The following TAF7L variants were observed in gnomAD, a reference collection of about 807,000 sequenced individuals.
The protein encoded by TAF7L is transcription initiation factor TFIID subunit 7-like.
Under a neutral mutation model 30.2 loss-of-function variants are expected in TAF7L, and 6 were observed. The ratio of observed to expected loss-of-function variants is 0.20; its 90% confidence interval spans 0.11 to 0.39. TAF7L has a LOEUF of 0.39. Ranked by LOEUF, TAF7L falls within the 10% of genes least tolerant of loss-of-function variation. The pLI, the probability that TAF7L is intolerant of heterozygous loss-of-function variation, is 1.00. For synonymous variants in TAF7L, 93 were observed against 94.5 expected, an observed-to-expected ratio of 0.98 and a Z score of 0.09; for missense variants, 284 against 277.1, an observed-to-expected ratio of 1.03 and a Z score of -0.18.
chrX:101,271,381 T>G (rs1034474244), intron 12 of TAF7L, among the ~76,000 whole-genome samples: 3 of 112,151 alleles, frequency 2.7e-5, no homozygotes, highest in Non-Finnish European at 5.6e-5. Flanking sequence ...ACACCTAGGC[T>G]ACATAGTATA....
At chrX:101,287,629 C>T (rs1924650863) in intron 1 of TAF7L, 84 bp from the exon 2 acceptor site, 1 of 686,636 alleles carries the variant, frequency 1.5e-6, no homozygotes, top group Admixed American at 2.6e-5. Flanking sequence ...TCTGGTAGTA[C>T]TGGCTAAATT....
intron 12 of TAF7L, among the ~76,000 whole-genome samples, chrX:101,271,319 C>T (rs763045550): frequency 1.9e-4 from 21 of 111,576 alleles, no homozygotes; most frequent in African/African-American, 6.2e-4. Context: ...TTTGTCATGA[C>T]GCGAACATGA....
Position 101,269,220 on chromosome X carries a change from T to C in TAF7L, c.1104A>G (p.Glu368=), listed in dbSNP as rs1923891074. The change falls in exon 13 of 13, where the codon GAA becomes GAG. Residue 368 remains glutamate (E), a synonymous_variant. Coordinates refer to ENST00000356784, the MANE Select transcript of TAF7L (RefSeq NM_001168474.2). ...ACTTCTTCAGAAAACGCTGCAACTG[T>C]TCCTGTAGGGAAATGAGCTGTAGGG... ...QKNEKLISLQ[E]QLQRFLKK is the part of the protein sequence containing the mutation. The C allele has an allele frequency of 1.7e-6, 2 of 1,208,964 alleles. No individual in the cohort carries two copies. The highest frequency in any genetic ancestry group is 3.5e-5 in the African/African-American group (2 of 57,885).
chrX:101,292,238 C>CAAAAA (rs776702288), upstream of TAF7L, among the ~76,000 whole-genome samples: 1 of 45,299 alleles, frequency 2.2e-5, no homozygotes, highest in Non-Finnish European at 3.6e-5. Context: ...GACTCCGTCT[C>CAAAAA]AAAAAAAAAA....
chrX:101,282,537 A>G, intron 4 of TAF7L, 84 bp from the exon 5 acceptor site: 1 of 1,012,722 alleles, frequency 9.9e-7, no homozygotes, highest in Non-Finnish European at 1.4e-6. Flanking sequence ...CTAGAAATGC[A>G]CAGAAGAGAC....
rs1160195640 is a variant in TAF7L at position 101,269,155 on chromosome X, G to A, written c.*38C>T. 1.8e-5 allele frequency: 21 copies of A among 1,180,670 alleles called. No homozygotes were observed. The highest frequency in any genetic ancestry group is 2.3e-5 in the Non-Finnish European group (20 of 871,724). On this transcript the variant is annotated 3_prime_UTR_variant, in exon 13 of 13. Coordinates refer to ENST00000356784, the MANE Select transcript of TAF7L (RefSeq NM_001168474.2). Reference sequence around the variant, plus strand: ...TTTCATCCAATCTGCAGTCTGGATGGTGAATCCAAGGTTTGTGGGCCACGC... The same window carrying A: ...TTTCATCCAATCTGCAGTCTGGATGATGAATCCAAGGTTTGTGGGCCACGC...
Position 101,290,748 on chromosome X carries a change from G to A in TAF7L, c.-3+476C>T, listed in dbSNP as rs138649109. 9.8e-5 allele frequency among the ~76,000 whole-genome samples: 11 copies of A among 111,879 alleles called. No individual in the cohort carries two copies. In the East Asian group the frequency reaches 3.1e-3, roughly 31 times the overall value. ...CATTTACCTAAAAGACTAGTTGTACGGTATTCACTTTAAGAAAAAGCATCC... is the reference window on the plus strand; with the variant it reads ...CATTTACCTAAAAGACTAGTTGTACAGTATTCACTTTAAGAAAAAGCATCC... On this transcript the variant is annotated intron_variant, in intron 1 of 12. Coordinates refer to ENST00000356784, the MANE Select transcript of TAF7L (RefSeq NM_001168474.2).
rs965343589 is a variant in TAF7L, at chrX:101,269,197, T to C, written c.1127A>G (p.Lys376Arg). 20 of 1,208,083 alleles carry C rather than the reference T, an allele frequency of 1.7e-5. 1 individual carries two copies. The highest frequency in any genetic ancestry group is 3.4e-6 in the Non-Finnish European group (3 of 893,926). The change falls in exon 13 of 13, where the codon AAG becomes AGG. Residue 376 changes from lysine to arginine, a missense_variant. Lys to Arg is a conservative substitution (Grantham distance 26). Transcript: ENST00000356784. ...GGGCCACGCCAATGGCTCTCCTCAC[T>C]TCTTCAGAAAACGCTGCAACTGTTC... ...LQEQLQRFLK[K>R]
intron 2 of TAF7L, among the ~76,000 whole-genome samples, chrX:101,287,270 A>G (rs1185470828): frequency 2.7e-5 from 3 of 111,363 alleles, no homozygotes; most frequent in Non-Finnish European, 5.7e-5. Context: ...ATCAACCTGC[A>G]TGATAGGTGG....
chrX:101,279,968 C>CA (rs1169963740), intron 6 of TAF7L, among the ~76,000 whole-genome samples: 3 of 100,419 alleles, frequency 3.0e-5, no homozygotes, highest in Non-Finnish European at 6.2e-5. Context: ...ACAACAACAA[C>CA]AAAAAAAAAA....
At chrX:101,289,458 C>T (rs1431518807) in intron 1 of TAF7L, among the ~76,000 whole-genome samples, 1 of 111,793 alleles carries the variant, frequency 8.9e-6, no homozygotes, top group Non-Finnish European at 1.9e-5. Context: ...TTATTGTTTT[C>T]ATTATTTGTT....
upstream of TAF7L, chrX:101,291,398 C>T (rs1344785891): frequency 6.7e-6 from 3 of 445,747 alleles, no homozygotes; most frequent in Non-Finnish European, 8.4e-6. Context: ...CCTCGCCACG[C>T]CTCCGCGGCC....
intron 1 of TAF7L, among the ~76,000 whole-genome samples, chrX:101,288,837 A>T: frequency 9.0e-6 from 1 of 111,457 alleles, no homozygotes; most frequent in South Asian, 3.8e-4. Flanking sequence ...AAATGACTGA[A>T]TCAATCTAAT....
intron 6 of TAF7L, among the ~76,000 whole-genome samples, chrX:101,280,189 G>C (rs2147376091): frequency 9.0e-6 from 1 of 111,358 alleles, no homozygotes; most frequent in South Asian, 3.8e-4. Context: ...CTCTCTGAAA[G>C]ACCCTACGAA....
In TAF7L at chrX:101,276,011, G is replaced by C. The variant is rs192980404; in HGVS notation, c.1015C>G (p.Leu339Val). The part of the protein sequence containing the change: ...QKDLIMKVEN[L>V]TLKNHFQSVL... ...AGCCAAGAATTTACCTTGAGTGTCA[G>C]GTTTTCCACTTTCATGATGAGATCC... Residue 339 changes from leucine (L) to valine (V), a missense_variant, in exon 11 of 13, where the codon CTG becomes GTG. Transcript: ENST00000356784. The C allele has an allele frequency of 8.4e-7, 1 of 1,188,979 alleles. No homozygotes were observed. The highest frequency in any genetic ancestry group is 1.9e-5 in the South Asian group (1 of 53,243).
At chrX:101,287,813 G>C (rs1924659339) in intron 1 of TAF7L, 1 of 251,639 alleles carries the variant, frequency 4.0e-6, no homozygotes, top group African/African-American at 2.8e-5. Context: ...AATGAAATAA[G>C]AGCTGTTATG....
At chrX:101,291,714 A>C (rs186112859), upstream of TAF7L, among the ~76,000 whole-genome samples, 709 of 109,670 alleles carry the variant, frequency 6.5e-3, 11 homozygotes, top group African/African-American at 0.023. Flanking sequence ...AAAAATACAA[A>C]AATTAGCTGG....
At chrX:101,282,278 A>G in intron 5 of TAF7L, 49 bp downstream of exon 5, 1 of 1,203,862 alleles carries the variant, frequency 8.3e-7, no homozygotes, top group Non-Finnish European at 1.1e-6. Flanking sequence ...ATTAGGATTC[A>G]GCAAATAAAT....
At chrX:101,275,420 G>A in intron 11 of TAF7L, 139 bp from the exon 12 acceptor site, 1 of 432,300 alleles carries the variant, frequency 2.3e-6, no homozygotes. Flanking sequence ...CCAGGCTGGA[G>A]TGCAGTGGCG....
Sources: gnomAD v4.1 joint callset for allele counts (sites outside exome capture counted in the v4.1 genomes callset) on GRCh38, gnomAD v4.1.1 for gene constraint, MANE v1.5 for transcripts, NCBI Gene and HGNC (gene_info 2026-07-23, HGNC 2026-07-21) for gene names.